The following ITGAM variants were observed in gnomAD, a reference collection of about 807,000 sequenced individuals.
ITGAM encodes the protein integrin subunit alpha M, also known as integrin alpha-M.
ITGAM carries 79 observed loss-of-function variants against 137.5 expected under a neutral mutation model. The observed-to-expected ratio is 0.57, with a 90% CI of 0.48 to 0.69. ITGAM has a LOEUF of 0.69. ITGAM is among the 30% of genes least tolerant of loss of function. The pLI is 0.00. For missense variants in ITGAM, 1,343 were observed against 1,483.5 expected (o/e 0.91, Z 1.56); for synonymous variants, 583 against 592.3 (o/e 0.98, Z 0.23).
intron 10 of ITGAM, 73 bp downstream of exon 10, chr16:31,276,817 T>G: frequency 2.5e-6 from 4 of 1,570,070 alleles, no homozygotes; most frequent in Non-Finnish European, 3.5e-6. Flanking sequence ...ATGTGGGGGT[T>G]TGGGGACTCT....
rs1357666951 is a variant in ITGAM, at chr16:31,332,617, T to TACACAC, written c.*916_*921dup. 2.6e-5 allele frequency: 4 copies of TACACAC among 151,252 alleles called. No homozygotes were observed. The highest frequency in any genetic ancestry group is 6.6e-5 in the Admixed American group (1 of 15,216). The allele number at this position is 151,252 out of a possible 1,614,324, so 9.4% of individuals were successfully genotyped here. A position where few individuals can be genotyped will look rare whatever the true frequency, so the allele number is the denominator to read the frequency against. ...TGCACGTGTGCACACACACCACACATACACACACACAAGCTTTTTTACACA... is the reference window on the plus strand; with the variant it reads ...TGCACGTGTGCACACACACCACACATACACACACACACACACAAGCTTTTTTACACA... On this transcript the variant is annotated 3_prime_UTR_variant, in exon 30 of 30. Transcript: ENST00000544665.
At chr16:31,307,628 ATGCCCTTTATTCCCTTC>A (rs1267202395) in intron 14 of ITGAM, among the ~76,000 whole-genome samples, 2 of 152,168 alleles carry the variant, frequency 1.3e-5, no homozygotes, top group Non-Finnish European at 2.9e-5. Flanking sequence ...TCCTAATCGA[ATGCCCTTTATTCCCTTC>A]TGCTGCCTGA....
Position 31,297,829 on chromosome 16 carries a change from G to A in ITGAM, c.1582G>A (p.Gly528Arg). ...GRFGAALTVL[G>R]DVNGDKLTDV... is the part of the protein sequence containing the mutation. ...CTTTGGGGCAGCCCTAACAGTGCTG[G>A]GGGACGTAAATGGGGACAAGCTGAC... Residue 528 changes from glycine (G) to arginine (R), a missense_variant, in exon 14 of 30, where the codon GGG becomes AGG. Coordinates refer to ENST00000544665, the MANE Select transcript of ITGAM (RefSeq NM_000632.4). 3 of 1,613,868 alleles carry A rather than the reference G, an allele frequency of 1.9e-6. No homozygotes were observed. The highest frequency in any genetic ancestry group is 1.7e-4 in the Middle Eastern group (1 of 6,054).
intron 14 of ITGAM, among the ~76,000 whole-genome samples, chr16:31,314,148 G>A (rs190634404): frequency 6.6e-6 from 1 of 152,242 alleles, no homozygotes; most frequent in East Asian, 1.9e-4. Flanking sequence ...CAGATGGATA[G>A]ATTGCAAAAA....
At chr16:31,282,803 C>T (rs2079984253) in intron 12 of ITGAM, among the ~76,000 whole-genome samples, 1 of 152,232 alleles carries the variant, frequency 6.6e-6, no homozygotes, top group South Asian at 2.1e-4. Flanking sequence ...GATGCAGTTT[C>T]TTCCTAGCAT....
intron 14 of ITGAM, among the ~76,000 whole-genome samples, chr16:31,320,686 T>C (rs1189168326): frequency 1.3e-5 from 2 of 152,220 alleles, no homozygotes; most frequent in Admixed American, 6.5e-5. Context: ...AAGGTGGAGA[T>C]TGATCTCTTT....
chr16:31,325,478 C>G, intron 20 of ITGAM, 22 bp from the exon 21 acceptor site: 1 of 1,613,826 alleles, frequency 6.2e-7, no homozygotes, highest in Non-Finnish European at 8.5e-7. Flanking sequence ...ATATCACCGC[C>G]TTTGCCTCCC....
chr16:31,328,910 GTC>G (rs780450539), intron 23 of ITGAM: 54 of 479,106 alleles, frequency 1.1e-4, no homozygotes, highest in Non-Finnish European at 1.9e-4. Context: ...ATGTGTGTGT[GTC>G]TGAGGATCTA....
At chr16:31,294,054 A>G (rs2080110873) in intron 12 of ITGAM, among the ~76,000 whole-genome samples, 1 of 152,072 alleles carries the variant, frequency 6.6e-6, no homozygotes, top group Non-Finnish European at 1.5e-5. Context: ...GGTGTATAGG[A>G]GTGCTAGTGA....
intron 11 of ITGAM, among the ~76,000 whole-genome samples, chr16:31,277,374 T>C (rs910938508): frequency 3.2e-4 from 48 of 151,698 alleles, no homozygotes; most frequent in Non-Finnish European, 4.9e-4. Context: ...TTTTTTTTTT[T>C]CGAAATGGGG....
Position 31,301,983 on chromosome 16 carries a change from T to A in ITGAM, c.1707+4029T>A, listed in dbSNP as rs2080201376. Among the ~76,000 whole-genome samples the A allele has an allele frequency of 2.0e-5, 3 of 152,092 alleles. No homozygotes were observed. In the South Asian group the frequency reaches 6.2e-4, roughly 32 times the overall value. ...CCTCTTTGACTTTAATCTAAAAAAGTCACCTTATCATAAAACAGTGTTAAC... is the reference window on the plus strand; with the variant it reads ...CCTCTTTGACTTTAATCTAAAAAAGACACCTTATCATAAAACAGTGTTAAC... On this transcript the variant is annotated intron_variant, in intron 14 of 29. Coordinates refer to ENST00000544665, the MANE Select transcript of ITGAM (RefSeq NM_000632.4).
In ITGAM at chr16:31,322,872, G is replaced by A. The variant is rs188316112; in HGVS notation, c.2002+1245G>A. ...ATAGATTTATAGCAGATTAGAAGCA[G>A]AACAGAGAATTAGTGAACAAGAAGA... On this transcript the variant is annotated intron_variant, in intron 16 of 29. Coordinates refer to ENST00000544665, the MANE Select transcript of ITGAM (RefSeq NM_000632.4). Among the ~76,000 whole-genome samples the A allele has an allele frequency of 2.7e-3, 415 of 152,264 alleles. 1 individual carries two copies. The highest frequency in any genetic ancestry group is 0.017 in the Middle Eastern group (5 of 294).
intron 12 of ITGAM, among the ~76,000 whole-genome samples, chr16:31,283,124 T>C (rs1395598631): frequency 2.6e-5 from 4 of 152,188 alleles, no homozygotes; most frequent in South Asian, 2.1e-4. Flanking sequence ...GTGGGTAACC[T>C]GACCTTTCTC....
In ITGAM at chr16:31,312,159, T is replaced by G. The variant is rs1432685057; in HGVS notation, c.1708-9082T>G. Among the ~76,000 whole-genome samples the G allele has an allele frequency of 2.2e-5, 3 of 137,050 alleles. No individual in the cohort carries two copies. The East Asian group carries it at 7.7e-4, about 35-fold the overall frequency. The allele number at this position is 137,050 out of a possible 152,430, so 89.9% of individuals were successfully genotyped here. A position where few individuals can be genotyped will look rare whatever the true frequency, so the allele number is the denominator to read the frequency against. On this transcript the variant is annotated intron_variant, in intron 14 of 29. Transcript: ENST00000544665. ...GTGGGGTGGGGGGAGGGGGGAGGGA[T>G]AGCATTAGGAGATATACCTAATGCT...
chr16:31,321,771 G>A (rs2080453711), intron 16 of ITGAM, 144 bp downstream of exon 16: 2 of 832,004 alleles, frequency 2.4e-6, no homozygotes, highest in South Asian at 3.5e-5. Context: ...ACCTGAGTGA[G>A]CAGGCTATTG....
chr16:31,280,900 C>T (rs2079961735), intron 12 of ITGAM, among the ~76,000 whole-genome samples: 1 of 152,080 alleles, frequency 6.6e-6, no homozygotes. Context: ...CCATCAATAC[C>T]TAGTTTATTT....
chr16:31,295,859 C>T (rs544147751), intron 12 of ITGAM, among the ~76,000 whole-genome samples: 108 of 151,706 alleles, frequency 7.1e-4, no homozygotes, highest in Non-Finnish European at 1.0e-3. Flanking sequence ...GTGGGCTTGT[C>T]GTATATGGCC....
rs566452265 is a variant in ITGAM at position 31,271,833 on chromosome 16, C to T, written c.559-14C>T. 1.7e-5 allele frequency: 28 copies of T among 1,613,788 alleles called. No individual in the cohort carries two copies. Among genetic ancestry groups the T allele is most frequent in the East Asian group, 4.5e-5 (2 of 44,866 alleles). On this transcript the variant is annotated splice_polypyrimidine_tract_variant and intron_variant, in intron 6 of 29. Transcript: ENST00000544665. ...GCACCTTCTCCAGCATCACACCAGCCGCCCCCTCCGCAGTTCTCTTTGATG... is the reference window on the plus strand; with the variant it reads ...GCACCTTCTCCAGCATCACACCAGCTGCCCCCTCCGCAGTTCTCTTTGATG...
intron 14 of ITGAM, among the ~76,000 whole-genome samples, chr16:31,318,911 GT>G (rs2080419857): frequency 6.6e-6 from 1 of 151,734 alleles, no homozygotes; most frequent in Admixed American, 6.6e-5. Context: ...GGTATATTGT[GT>G]TTTTGTTTTC....
Sources: gnomAD v4.1 joint callset for allele counts (sites outside exome capture counted in the v4.1 genomes callset) on GRCh38, gnomAD v4.1.1 for gene constraint, MANE v1.5 for transcripts, NCBI Gene and HGNC (gene_info 2026-07-23, HGNC 2026-07-21) for gene names.